Variants in WNT5A observed in about 807,000 individuals in gnomAD.
The protein encoded by WNT5A is Wnt family member 5A.
In WNT5A, 9 loss-of-function variants were observed where a neutral mutation model predicts 42.1. The ratio of observed to expected loss-of-function variants is 0.21; its 90% confidence interval spans 0.13 to 0.37. WNT5A has a LOEUF of 0.37. Ranked by LOEUF, WNT5A falls within the 10% of genes least tolerant of loss-of-function variation. The pLI is 1.00. For missense variants in WNT5A, 426 were observed against 534.0 expected (o/e 0.80, Z 1.99); for synonymous variants, 210 against 210.0 (o/e 1.00, Z 0.00).
the WNT5A span, among the ~76,000 whole-genome samples, chr3:55,500,062 A>G: frequency 6.6e-6 from 1 of 152,116 alleles, no homozygotes; most frequent in East Asian, 1.9e-4. Context: ...GTAAATACTT[A>G]CTGTAAGCCT....
chr3:55,491,574 C>T (rs2051659759), upstream of WNT5A, among the ~76,000 whole-genome samples: 1 of 152,204 alleles, frequency 6.6e-6, no homozygotes, highest in Non-Finnish European at 1.5e-5. Flanking sequence ...GCCGCCTTTC[C>T]CAGCAGGGGA....
At chr3:55,481,334 G>C (rs755553311) in intron 1 of WNT5A, 5 of 987,174 alleles carry the variant, frequency 5.1e-6, no homozygotes, top group Non-Finnish European at 4.8e-6. Context: ...CCCCAACCTG[G>C]GCCGAGCAAC....
chr3:55,502,158 T>C, the WNT5A span, among the ~76,000 whole-genome samples: 4 of 152,220 alleles, frequency 2.6e-5, no homozygotes, highest in African/African-American at 7.2e-5. Flanking sequence ...CATGACTTCA[T>C]AATTTCTGGA....
Position 55,469,496 on chromosome 3 carries a change from CCTTGAGAATATGACATT to C in WNT5A, c.*579_*595del, listed in dbSNP as rs771236357. The C allele has an allele frequency of 1.3e-5, 2 of 152,326 alleles. No homozygotes were observed. The highest frequency in any genetic ancestry group is 2.9e-5 in the Non-Finnish European group (2 of 68,224). 9.4% of individuals were successfully genotyped at this position (152,326 alleles called of 1,614,324 possible). ...ATGAGACATGTGATATACCTTTTTTCCTTGAGAATATGACATTCTTGTCCTTCCATTGTAAATTATCA... is the reference window on the plus strand; with the variant it reads ...ATGAGACATGTGATATACCTTTTTTCCTTGTCCTTCCATTGTAAATTATCA... On this transcript the variant is annotated 3_prime_UTR_variant, in exon 5 of 5. Coordinates refer to ENST00000264634, the MANE Select transcript of WNT5A (RefSeq NM_003392.7).
chr3:55,490,117 T>C (rs2051642707), upstream of WNT5A: 1 of 152,270 alleles, frequency 6.6e-6, no homozygotes. Flanking sequence ...ATGGAGAAAC[T>C]AGCATCCCAG....
upstream of WNT5A, among the ~76,000 whole-genome samples, chr3:55,488,591 G>C (rs1002417840): frequency 2.6e-4 from 40 of 151,836 alleles, no homozygotes; most frequent in Admixed American, 2.6e-3. Flanking sequence ...GCCGTACTAC[G>C]GGCTGGGGTG....
upstream of WNT5A, among the ~76,000 whole-genome samples, chr3:55,493,167 C>T (rs1425247738): frequency 6.6e-6 from 1 of 152,206 alleles, no homozygotes; most frequent in Non-Finnish European, 1.5e-5. Flanking sequence ...TTGTTATCCC[C>T]AAAGGAATGA....
the WNT5A span, among the ~76,000 whole-genome samples, chr3:55,502,512 C>G: frequency 6.6e-6 from 1 of 152,214 alleles, no homozygotes; most frequent in Non-Finnish European, 1.5e-5. Context: ...AGAACATCAA[C>G]TAGAGTTTGG....
the WNT5A span, among the ~76,000 whole-genome samples, chr3:55,498,565 G>A: frequency 6.6e-6 from 1 of 152,142 alleles, no homozygotes; most frequent in Non-Finnish European, 1.5e-5. Flanking sequence ...GCACCTAGTC[G>A]GAACACCTGT....
rs984257997 is a variant in WNT5A, at chr3:55,479,346, T to C, written c.359A>G (p.Asn120Ser). 4 of 1,605,286 alleles carry C rather than the reference T, an allele frequency of 2.5e-6. No individual in the cohort carries two copies. The highest frequency in any genetic ancestry group is 3.4e-6 in the Non-Finnish European group (4 of 1,174,582). The change falls in exon 3 of 5, where the codon AAC (asparagine) becomes AGC (serine). Residue 120 changes from asparagine (N) to serine (S), a missense_variant. Around this residue, in one of 3 missense-constraint regions of WNT5A, gnomAD observed 358 missense variants for 468.1 expected, o/e 0.76. Coordinates refer to ENST00000264634, the MANE Select transcript of WNT5A (RefSeq NM_003392.7). Reference sequence around the variant, plus strand: ...CATCACCCTGCCAAAAACAGAGGTGTTATCCACAGTGCTGCAGTTCCACCT... The same window carrying C: ...CATCACCCTGCCAAAAACAGAGGTGCTATCCACAGTGCTGCAGTTCCACCT... ...HRRWNCSTVD[N>S]TSVFGRVMQI...
intron 3 of WNT5A, chr3:55,479,021 A>G (rs1284662697): frequency 4.5e-6 from 1 of 220,446 alleles, no homozygotes; most frequent in African/African-American, 2.3e-5. Context: ...AGAAACCAAA[A>G]TAAGTGTTCT....
In WNT5A at chr3:55,486,987, G is replaced by A; in HGVS notation, c.-2C>T. ...AGCGCACTGAACACCTACCTTCATGGCGAGGGGGAGGGGGCGCGGGGAGGA... is the reference window on the plus strand; with the variant it reads ...AGCGCACTGAACACCTACCTTCATGACGAGGGGGAGGGGGCGCGGGGAGGA... On this transcript the variant is annotated 5_prime_UTR_variant, in exon 1 of 5. Transcript: ENST00000264634. 6.2e-7 allele frequency: 1 copy of A among 1,612,094 alleles called. No homozygotes were observed. Among genetic ancestry groups the A allele is most frequent in the Non-Finnish European group, 8.5e-7 (1 of 1,179,014 alleles).
At chr3:55,491,185 AG>A (rs1336600280), upstream of WNT5A, among the ~76,000 whole-genome samples, 4 of 152,164 alleles carry the variant, frequency 2.6e-5, no homozygotes, top group Non-Finnish European at 5.9e-5. Context: ...AATAGTGGGT[AG>A]GGGTGGGGAC....
chr3:55,493,521 A>T (rs2051683272), upstream of WNT5A, among the ~76,000 whole-genome samples: 1 of 151,882 alleles, frequency 6.6e-6, no homozygotes. Flanking sequence ...ATATTTGTTT[A>T]CTTGTCTGTC....
chr3:55,504,994 A>T, the WNT5A span, among the ~76,000 whole-genome samples: 1 of 137,324 alleles, frequency 7.3e-6, no homozygotes, highest in Non-Finnish European at 1.6e-5. Context: ...AGTAGGCTGT[A>T]AGATTTGTTC....
chr3:55,475,064 A>G (rs2051330461), intron 3 of WNT5A, among the ~76,000 whole-genome samples: 1 of 152,034 alleles, frequency 6.6e-6, no homozygotes, highest in African/African-American at 2.4e-5. Context: ...GCAACAATTA[A>G]CAAAGGAGTA....
chr3:55,483,633 C>T lies in WNT5A; in HGVS notation c.7-2715G>A, dbSNP rs140118275. On this transcript the variant is annotated intron_variant, in intron 1 of 4. Transcript: ENST00000264634. The surrounding 1 kb of genome is among the most constrained non-coding windows in gnomAD (Gnocchi z 4.2). Reference sequence around the variant, plus strand: ...GTAAGGACACTGAGAATCTTCCTCGCGTGCCACGGGGAGGAGGACTGGGGG... The same window carrying T: ...GTAAGGACACTGAGAATCTTCCTCGTGTGCCACGGGGAGGAGGACTGGGGG... Among the ~76,000 whole-genome samples the T allele has an allele frequency of 2.0e-5, 3 of 152,306 alleles. No homozygotes were observed. The highest frequency in any genetic ancestry group is 1.9e-4 in the East Asian group (1 of 5,172).
rs769829279 is a variant in WNT5A at position 55,470,549 on chromosome 3, G to A, written c.686C>T (p.Thr229Met). The A allele has an allele frequency of 2.2e-5, 33 of 1,530,380 alleles. No homozygotes were observed. Among genetic ancestry groups the A allele is most frequent in the African/African-American group, 2.7e-5 (2 of 73,364 alleles). 94.8% of individuals were successfully genotyped at this position (1,530,380 alleles called of 1,614,324 possible). A position where few individuals can be genotyped will look rare whatever the true frequency, so the allele number is the denominator to read the frequency against. Residue 229 changes from threonine (T) to methionine (M), a missense_variant and splice_region_variant, in exon 5 of 5, where the codon ACG becomes ATG. Physicochemically the swap from Thr to Met is moderately conservative, Grantham distance 81. Around this residue, in one of 3 missense-constraint regions of WNT5A, gnomAD observed 358 missense variants for 468.1 expected, o/e 0.76. Coordinates refer to ENST00000264634, the MANE Select transcript of WNT5A (RefSeq NM_003392.7). ...GGCCACATCAGCCAGGTTGTACACC[G>A]TCTGCAGGGAAATGGGGGCAATCAA... Reference protein sequence around the residue: ...NLHNNEAGRRTVYNLADVACK... With the variant: ...NLHNNEAGRRMVYNLADVACK...
intron 3 of WNT5A, among the ~76,000 whole-genome samples, chr3:55,474,830 G>C (rs1437825439): frequency 2.0e-5 from 2 of 99,632 alleles, no homozygotes; most frequent in Non-Finnish European, 4.1e-5. Context: ...GTTGGAGGTT[G>C]GGGGGAAGTA....
Sources: gnomAD v4.1 joint callset for allele counts (sites outside exome capture counted in the v4.1 genomes callset) on GRCh38, gnomAD v4.1.1 for gene constraint, gnomAD v4.1.1 regional missense constraint, Gnocchi (gnomAD v3.1) non-coding constraint, MANE v1.5 for transcripts, NCBI Gene and HGNC (gene_info 2026-07-23, HGNC 2026-07-21) for gene names.